The following ZNF529 variants were observed in gnomAD, a reference collection of about 807,000 sequenced individuals.
ZNF529 encodes the protein zinc finger protein 529.
ZNF529 carries 11 observed loss-of-function variants against 10.1 expected under a neutral mutation model. The ratio of observed to expected loss-of-function variants is 1.09; its 90% CI spans 0.69 to 1.81. The LOEUF (loss-of-function observed/expected upper bound fraction) is 1.81. Ranked by LOEUF, ZNF529 falls within the 40% of genes most tolerant of loss-of-function variation. The pLI is 0.00. For synonymous variants in ZNF529, 204 were observed against 215.7 expected (o/e 0.95, Z 0.47); for missense variants, 624 against 666.8 (o/e 0.94, Z 0.71).
chr19:36,583,637 CATATA>C (rs1335991599), intron 2 of ZNF529, among the ~76,000 whole-genome samples: 3 of 150,978 alleles, frequency 2.0e-5, no homozygotes, highest in Non-Finnish European at 4.4e-5. Context: ...ACAAGAACTG[CATATA>C]ATATGACAAT....
At chr19:36,589,092 T>G (rs1342880827) in intron 2 of ZNF529, among the ~76,000 whole-genome samples, 1 of 152,086 alleles carries the variant, frequency 6.6e-6, no homozygotes, top group Non-Finnish European at 1.5e-5. Flanking sequence ...TACACAGGCT[T>G]GTACCTCCAG....
intron 1 of ZNF529, among the ~76,000 whole-genome samples, chr19:36,595,122 G>A (rs779448166): frequency 2.0e-5 from 3 of 151,878 alleles, no homozygotes; most frequent in Non-Finnish European, 2.9e-5. Context: ...TGTGATCCAC[G>A]CGCCTTGGCC....
rs569114595 is a variant in ZNF529 at position 36,548,137 on chromosome 19, G to C, written c.421C>G (p.Gln141Glu). Residue 141 changes from glutamine (Q) to glutamate (E), a missense_variant, in exon 5 of 5, where the codon CAA (glutamine) becomes GAA (glutamate). Transcript: ENST00000591340. The part of the protein sequence containing the change: ...LQGPEVGYFS[Q>E]MKIISENVPS... Reference sequence around the variant, plus strand: ...ACATTTTCAGAGATGATTTTCATTTGACTGAAATATCCCACTTCAGGTCCT... The same window carrying C: ...ACATTTTCAGAGATGATTTTCATTTCACTGAAATATCCCACTTCAGGTCCT... 1.2e-6 allele frequency: 2 copies of C among 1,613,730 alleles called. No homozygotes were observed. Among genetic ancestry groups the C allele is most frequent in the African/African-American group, 2.7e-5 (2 of 75,010 alleles).
intron 2 of ZNF529, among the ~76,000 whole-genome samples, chr19:36,560,834 G>A (rs938053532): frequency 6.6e-6 from 1 of 152,064 alleles, no homozygotes; most frequent in African/African-American, 2.4e-5. Context: ...GGTGCTGCTC[G>A]GCTTCTCTTA....
chr19:36,570,796 A>G (rs1911270344), intron 2 of ZNF529, among the ~76,000 whole-genome samples: 1 of 152,216 alleles, frequency 6.6e-6, no homozygotes, highest in African/African-American at 2.4e-5. Flanking sequence ...CAGAAAATGT[A>G]TGGGGAATAC....
chr19:36,546,902 T>C lies in ZNF529; in HGVS notation c.1656A>G (p.Gln552=). 6.2e-7 allele frequency: 1 copy of C among 1,610,568 alleles called. No homozygotes were observed. The highest frequency in any genetic ancestry group is 8.5e-7 in the Non-Finnish European group (1 of 1,178,206). The change falls in exon 5 of 5, where the codon CAA becomes CAG. Residue 552 remains glutamine (Q), a synonymous_variant. Transcript: ENST00000591340. ...ATTTCTCACCAGTGTAAATTTTCGGTTGGCAAGTAAGATGCCCAACAACAC... is the reference window on the plus strand; with the variant it reads ...ATTTCTCACCAGTGTAAATTTTCGGCTGGCAAGTAAGATGCCCAACAACAC... ...SFSVVGHLTC[Q]PKIYTGEKSF... is the part of the protein sequence containing the mutation.
At position 36,547,799 on chromosome 19, in the gene ZNF529, G is replaced by T. The variant is rs1244878610; in HGVS notation, c.759C>A (p.Phe253Leu). The T allele has an allele frequency of 6.2e-7, 1 of 1,609,994 alleles. No individual in the cohort carries two copies. The highest frequency in any genetic ancestry group is 1.1e-5 in the South Asian group (1 of 90,266). ...NVYQKIHNEK[F>L]YKCKEYRRTF... is the part of the protein sequence containing the mutation. ...TCCTTCTGTATTCCTTACATTTATA[G>T]AACTTCTCATTATGAATTTTCTGGT... The change falls in exon 5 of 5, where the codon TTC (phenylalanine) becomes TTA (leucine). Residue 253 changes from phenylalanine (F) to leucine (L), a missense_variant. Phe to Leu is a conservative substitution (Grantham distance 22). Transcript: ENST00000591340.
chr19:36,577,250 G>A (rs577315924), upstream of ZNF529: 400 of 434,802 alleles, frequency 9.2e-4, 1 homozygote, highest in African/African-American at 7.7e-3. Flanking sequence ...GTGAACCACC[G>A]TGCCCGGCCC....
intron 1 of ZNF529, among the ~76,000 whole-genome samples, chr19:36,597,674 A>T (rs1027642735): frequency 1.3e-5 from 2 of 152,202 alleles, no homozygotes; most frequent in African/African-American, 4.8e-5. Flanking sequence ...CTATAGAAAA[A>T]TTTGAAACAA....
chr19:36,595,956 C>T lies in ZNF529; in HGVS notation c.-127-6255G>A, dbSNP rs77392717. Among the ~76,000 whole-genome samples the T allele has an allele frequency of 2.4e-3, 362 of 151,618 alleles. 1 individual carries two copies. The highest frequency in any genetic ancestry group is 8.3e-3 in the African/African-American group (343 of 41,378). On this transcript the variant is annotated intron_variant, in intron 1 of 4. Transcript: ENST00000585960. ...CTCCATCATTAATAATTTCTAGTCT[C>T]CTTATTCTAAGTTACTGAAAGGTGT...
At chr19:36,568,198 A>G (rs1056399191) in intron 2 of ZNF529, among the ~76,000 whole-genome samples, 3 of 152,222 alleles carry the variant, frequency 2.0e-5, no homozygotes, top group South Asian at 4.1e-4. Flanking sequence ...ACTAGCTAAA[A>G]TATCTTTGTA....
At chr19:36,605,036 C>T (rs1480500455) in intron 1 of ZNF529, 1 of 152,646 alleles carries the variant, frequency 6.6e-6, no homozygotes, top group African/African-American at 2.4e-5. Context: ...CCTGGGGCTT[C>T]TGCCTCCACA....
At chr19:36,603,066 C>G (rs1266637751) in intron 1 of ZNF529, among the ~76,000 whole-genome samples, 1 of 152,064 alleles carries the variant, frequency 6.6e-6, no homozygotes, top group African/African-American at 2.4e-5. Flanking sequence ...ACATACTCTG[C>G]AATAATATTC....
Position 36,547,836 on chromosome 19 carries a change from T to C in ZNF529, c.722A>G (p.Asp241Gly). 1 of 1,610,638 alleles carries C rather than the reference T, an allele frequency of 6.2e-7. No homozygotes were observed. Among genetic ancestry groups the C allele is most frequent in the Non-Finnish European group, 8.5e-7 (1 of 1,177,968 alleles). ...EYGNTCSFYKDFNVYQKIHNE... is the reference protein window; with the variant it reads ...EYGNTCSFYKGFNVYQKIHNE... ...ATGAATTTTCTGGTATACATTAAAG[T>C]CTTTATAAAAACTACATGTATTCCC... Residue 241 changes from aspartate (D) to glycine (G), a missense_variant, in exon 5 of 5, where the codon GAC becomes GGC. Physicochemically the swap from Asp to Gly is moderately conservative, Grantham distance 94. Transcript: ENST00000591340.
intron 1 of ZNF529, among the ~76,000 whole-genome samples, chr19:36,590,376 AAAAT>A (rs1600358270): frequency 6.6e-6 from 1 of 152,252 alleles, no homozygotes; most frequent in East Asian, 1.9e-4. Context: ...CTTTACCTCA[AAAAT>A]AAATAAGTAA....
intron 1 of ZNF529, among the ~76,000 whole-genome samples, chr19:36,600,605 C>T (rs1042169311): frequency 1.3e-5 from 2 of 152,086 alleles, no homozygotes; most frequent in Admixed American, 6.6e-5. Context: ...AAGTTCATTT[C>T]CAGGTGTTAT....
upstream of ZNF529, chr19:36,605,265 C>A (rs1333403134): frequency 6.6e-6 from 1 of 152,236 alleles, no homozygotes; most frequent in African/African-American, 2.4e-5. Context: ...ACTAACGGGC[C>A]GCCCCGGAGA....
intron 1 of ZNF529, among the ~76,000 whole-genome samples, chr19:36,593,168 A>C (rs1362713100): frequency 6.6e-6 from 1 of 151,902 alleles, no homozygotes; most frequent in Non-Finnish European, 1.5e-5. Context: ...TAAAAATCCT[A>C]AAGAGTAGAT....
At chr19:36,572,280 A>G (rs2036147489) in intron 2 of ZNF529, 53 bp downstream of exon 2, 1 of 1,546,734 alleles carries the variant, frequency 6.5e-7, no homozygotes, top group African/African-American at 1.4e-5. Context: ...CCTGTTGTTA[A>G]TTGGGAAGAG....
Sources: allele counts gnomAD v4.1 joint callset (sites outside exome capture counted in the v4.1 genomes callset), GRCh38; gene constraint gnomAD v4.1.1; transcripts MANE v1.5; gene names NCBI Gene and HGNC (gene_info 2026-07-23, HGNC 2026-07-21).